CHODL: variants seen among roughly 807,000 people sequenced by gnomAD.
CHODL encodes chondrolectin.
CHODL carries 29 observed loss-of-function variants against 34.5 expected under a neutral mutation model. The ratio of observed to expected loss-of-function variants is 0.84; its 90% CI spans 0.63 to 1.15. The LOEUF is 1.15. CHODL is among the 50% of genes most tolerant of loss of function. The pLI, the probability that CHODL is intolerant of heterozygous loss-of-function variation, is 0.00. For missense variants in CHODL, 332 were observed against 332.5 expected (o/e 1.00, Z 0.01); for synonymous variants, 125 against 116.1 (o/e 1.08, Z -0.49).
intron 2 of CHODL, among the ~76,000 whole-genome samples, chr21:18,213,053 A>C (rs543363901): frequency 6.6e-6 from 1 of 152,258 alleles, no homozygotes; most frequent in South Asian, 2.1e-4. Context: ...TTTTCGAAGA[A>C]GTTAGGTAAT....
rs544664609 is a variant in CHODL, at chr21:18,070,933, T to G, written c.-45+42962T>G. On this transcript the variant is annotated intron_variant, in intron 2 of 6. Transcript: ENST00000400127. Reference sequence around the variant, plus strand: ...CAATTATGTTCTCTTCCTGCATTACTCAGTTCAGTAAGTCTTGTCAATATT... The same window carrying G: ...CAATTATGTTCTCTTCCTGCATTACGCAGTTCAGTAAGTCTTGTCAATATT... Among the ~76,000 whole-genome samples, 13 of 152,182 alleles carry G rather than the reference T, an allele frequency of 8.5e-5. No individual in the cohort carries two copies. In the South Asian group the frequency reaches 2.7e-3, roughly 32 times the overall value.
At chr21:18,243,803 C>A (rs771434095), upstream of CHODL, among the ~76,000 whole-genome samples, 2 of 152,104 alleles carry the variant, frequency 1.3e-5, no homozygotes, top group Non-Finnish European at 2.9e-5. Context: ...ATAAAACAGT[C>A]CAACAGATGC....
chr21:18,171,752 T>G (rs1161202010), intron 2 of CHODL, among the ~76,000 whole-genome samples: 2 of 152,082 alleles, frequency 1.3e-5, no homozygotes, highest in African/African-American at 2.4e-5. Flanking sequence ...TTTTTTTTCT[T>G]TTTTTTGCTC....
At chr21:18,072,778 A>G (rs1478753189) in intron 2 of CHODL, among the ~76,000 whole-genome samples, 1 of 152,150 alleles carries the variant, frequency 6.6e-6, no homozygotes, top group Admixed American at 6.5e-5. Flanking sequence ...GCATGTCAAA[A>G]AGTCAGTCTG....
At chr21:17,920,980 A>G (rs911571149) in intron 1 of CHODL, among the ~76,000 whole-genome samples, 6 of 152,172 alleles carry the variant, frequency 3.9e-5, no homozygotes, top group African/African-American at 1.2e-4. Flanking sequence ...TACATTTCCA[A>G]GCTCCCTTGC....
At chr21:18,184,187 G>A (rs540845289) in intron 2 of CHODL, among the ~76,000 whole-genome samples, 271 of 152,304 alleles carry the variant, frequency 1.8e-3, no homozygotes, top group Non-Finnish European at 3.5e-3. Flanking sequence ...ATTTGGGGAA[G>A]AAAAGCGATT....
rs538440951 is a variant in CHODL at position 18,261,061 on chromosome 21, C to T, written c.634+775C>T. Among the ~76,000 whole-genome samples the T allele has an allele frequency of 2.6e-4, 40 of 152,218 alleles. No homozygotes were observed. The South Asian group carries it at 7.7e-3, about 29-fold the overall frequency. The stretch of plus-strand genomic sequence containing the variant: ...ATTATCGCTCAGATACCCTATTGCT[C>T]ATGAGTTTGTCTTCTGTTAACAAAT... On this transcript the variant is annotated intron_variant, in intron 4 of 5. Coordinates refer to ENST00000299295, the MANE Select transcript of CHODL (RefSeq NM_024944.3).
chr21:18,266,067 G>T lies in CHODL; in HGVS notation c.*29G>T, dbSNP rs576531181. 1.1e-5 allele frequency: 17 copies of T among 1,613,512 alleles called. No homozygotes were observed. The Admixed American group carries it at 2.8e-4, about 27-fold the overall frequency. ...CTCATTGACTTGGTTCCAGAATTTT[G>T]TAATTCTGGATCTGTATAAGGAATG... On this transcript the variant is annotated 3_prime_UTR_variant, in exon 6 of 6. Transcript: ENST00000299295.
At chr21:18,158,143 G>T (rs2073055996) in intron 2 of CHODL, among the ~76,000 whole-genome samples, 1 of 149,038 alleles carries the variant, frequency 6.7e-6, no homozygotes. Flanking sequence ...AAGCTGTTTT[G>T]AGTAGTTGTA....
At chr21:18,087,094 C>T (rs925407075) in intron 2 of CHODL, among the ~76,000 whole-genome samples, 39 of 152,278 alleles carry the variant, frequency 2.6e-4, no homozygotes, top group African/African-American at 8.2e-4. Flanking sequence ...TCTTCCCTGT[C>T]GATCCCCCAG....
intron 2 of CHODL, among the ~76,000 whole-genome samples, chr21:18,108,603 G>C (rs936906124): frequency 2.6e-5 from 4 of 152,146 alleles, no homozygotes; most frequent in African/African-American, 9.7e-5. Context: ...GAACACACCT[G>C]ATACCTTGGC....
Position 17,921,316 on chromosome 21 carries a change from C to T in CHODL, c.-145+3916C>T, listed in dbSNP as rs114969337. 8.0e-3 allele frequency among the ~76,000 whole-genome samples: 1,217 copies of T among 152,300 alleles called. 19 individuals are homozygous for T. Among genetic ancestry groups the T allele is most frequent in the African/African-American group, 0.027 (1,121 of 41,580 alleles). On this transcript the variant is annotated intron_variant, in intron 1 of 6. Coordinates refer to the CHODL transcript ENST00000400127. ...CCTCATCTATATTATGGAGGGCAAT[C>T]TTCTTTATGCAAAGTTCACTGTTTT... is the stretch of plus-strand genomic sequence containing the variant.
At chr21:18,032,625 C>G (rs975227148) in intron 2 of CHODL, among the ~76,000 whole-genome samples, 1 of 152,060 alleles carries the variant, frequency 6.6e-6, no homozygotes, top group Non-Finnish European at 1.5e-5. Flanking sequence ...CAAATGTGAT[C>G]CCCTTACTGG....
chr21:17,966,825 G>C lies in CHODL; in HGVS notation c.-145+49425G>C, dbSNP rs144231355. On this transcript the variant is annotated intron_variant, in intron 1 of 6. Transcript: ENST00000400127. ...ACTACTGATTTCCATTAGCTCCAGTGTTTGGTGATACAGAAAGCCTCAATG... is the reference window on the plus strand; with the variant it reads ...ACTACTGATTTCCATTAGCTCCAGTCTTTGGTGATACAGAAAGCCTCAATG... Among the ~76,000 whole-genome samples the C allele has an allele frequency of 2.5e-3, 376 of 151,776 alleles. 4 individuals are homozygous for C. Among genetic ancestry groups the C allele is most frequent in the African/African-American group, 8.9e-3 (367 of 41,436 alleles).
intron 1 of CHODL, among the ~76,000 whole-genome samples, chr21:18,255,780 T>A (rs1311037728): frequency 6.6e-6 from 1 of 152,200 alleles, no homozygotes; most frequent in East Asian, 1.9e-4. Context: ...TTATCAGAGA[T>A]GTCTCTGTAA....
intron 2 of CHODL, among the ~76,000 whole-genome samples, chr21:18,232,915 A>G (rs200748815): frequency 7.1e-6 from 1 of 140,256 alleles, no homozygotes; most frequent in South Asian, 2.2e-4. Flanking sequence ...AATGGTCCAT[A>G]TAATTATGGG....
intron 1 of CHODL, among the ~76,000 whole-genome samples, chr21:17,951,593 TA>T (rs1361540848): frequency 1.3e-5 from 2 of 152,186 alleles, no homozygotes; most frequent in Non-Finnish European, 2.9e-5. Flanking sequence ...ATAGCTATAT[TA>T]AAAAATTCAT....
In CHODL at chr21:18,194,757, G is replaced by A. The variant is rs184140855; in HGVS notation, c.-44-61752G>A. Among the ~76,000 whole-genome samples the A allele has an allele frequency of 2.8e-4, 43 of 151,964 alleles. No individual in the cohort carries two copies. In the Middle Eastern group the frequency reaches 0.014, roughly 48 times the overall value. On this transcript the variant is annotated intron_variant, in intron 2 of 6. Coordinates refer to the CHODL transcript ENST00000400127. ...TCACCTTACATACTTATCATTTTTCGTTGTGGGAAATTTAAGATCTATTCC... is the reference window on the plus strand; with the variant it reads ...TCACCTTACATACTTATCATTTTTCATTGTGGGAAATTTAAGATCTATTCC...
chr21:18,115,151 G>A (rs376581375), intron 2 of CHODL, among the ~76,000 whole-genome samples: 11 of 152,214 alleles, frequency 7.2e-5, no homozygotes, highest in Middle Eastern at 3.2e-3. Context: ...GGAGATGAGA[G>A]TGACTCAGTG....
Sources: gnomAD v4.1 joint callset for allele counts (sites outside exome capture counted in the v4.1 genomes callset) on GRCh38, gnomAD v4.1.1 for gene constraint, MANE v1.5 for transcripts, NCBI Gene and HGNC (gene_info 2026-07-23, HGNC 2026-07-21) for gene names.